The following OSBP2 variants were observed in gnomAD, a reference collection of about 807,000 sequenced individuals.
The protein encoded by OSBP2 is oxysterol-binding protein 2.
In OSBP2, 66 loss-of-function variants were observed where a neutral mutation model predicts 96.0. The ratio of observed to expected loss-of-function variants is 0.69; its 90% CI spans 0.56 to 0.84. The LOEUF is 0.84. OSBP2 is among the 40% of genes least tolerant of loss of function. OSBP2 has a pLI of 0.00. For missense variants in OSBP2, 1,038 were observed against 1,222.7 expected (o/e 0.85, Z 2.25); for synonymous variants, 525 against 520.9 (o/e 1.01, Z -0.11).
At chr22:30,748,862 T>A (rs1025244893) in intron 2 of OSBP2, among the ~76,000 whole-genome samples, 19 of 152,192 alleles carry the variant, frequency 1.2e-4, no homozygotes, top group Admixed American at 4.6e-4. Flanking sequence ...ATGCCTGTAA[T>A]CCCAGCACTT....
At chr22:30,698,718 A>G (rs759420577) in intron 1 of OSBP2, among the ~76,000 whole-genome samples, 14 of 152,060 alleles carry the variant, frequency 9.2e-5, no homozygotes, top group Admixed American at 1.3e-4. Flanking sequence ...GATTACAGGC[A>G]TGAGCCACTG....
At chr22:30,822,389 G>A in intron 2 of OSBP2, 1 of 672,676 alleles carries the variant, frequency 1.5e-6, no homozygotes, top group Non-Finnish European at 2.1e-6. Context: ...TGGGGCGGGA[G>A]GAAGTGGTAG....
chr22:30,697,208 G>A (rs1237510775), intron 1 of OSBP2, among the ~76,000 whole-genome samples: 1 of 152,230 alleles, frequency 6.6e-6, no homozygotes, highest in Non-Finnish European at 1.5e-5. Flanking sequence ...TGGCAGAAAT[G>A]CCTGGTTTTA....
At chr22:30,825,984 G>A (rs2038395910) in intron 2 of OSBP2, among the ~76,000 whole-genome samples, 1 of 152,134 alleles carries the variant, frequency 6.6e-6, no homozygotes, top group Non-Finnish European at 1.5e-5. Context: ...CAGGTCAGGC[G>A]GTTAGGTTCT....
chr22:30,728,191 T>C (rs923358778), intron 1 of OSBP2, among the ~76,000 whole-genome samples: 5 of 151,692 alleles, frequency 3.3e-5, no homozygotes, highest in Non-Finnish European at 5.9e-5. Context: ...GGTCAGGAGA[T>C]AGAGACCATC....
chr22:30,883,306 A>G (rs2039739925), intron 3 of OSBP2, among the ~76,000 whole-genome samples: 2 of 152,316 alleles, frequency 1.3e-5, no homozygotes, highest in Admixed American at 6.5e-5. Flanking sequence ...CAGACCTGGG[A>G]TCCCATCCTG....
chr22:30,701,048 T>C (rs2089152499), intron 1 of OSBP2, among the ~76,000 whole-genome samples: 1 of 151,840 alleles, frequency 6.6e-6, no homozygotes, highest in South Asian at 2.1e-4. Context: ...TGAGCCGAGA[T>C]TGTGCTATTG....
chr22:30,834,109 G>A (rs2038585494), intron 2 of OSBP2, among the ~76,000 whole-genome samples: 3 of 151,892 alleles, frequency 2.0e-5, no homozygotes, highest in Admixed American at 1.3e-4. Flanking sequence ...GGGTGCAGTG[G>A]TGTGATCATA....
At position 30,905,989 on chromosome 22, in the gene OSBP2, G is replaced by A. The variant is rs1311829913; in HGVS notation, c.2528G>A (p.Arg843Gln). The A allele has an allele frequency of 3.1e-6, 5 of 1,600,476 alleles. No homozygotes were observed. Among genetic ancestry groups the A allele is most frequent in the Non-Finnish European group, 4.3e-6 (5 of 1,174,212 alleles). ...RWDEANTEKQ[R>Q]LEEKQRLSRR... ...GACGAGGCCAATACCGAGAAGCAGC[G>A]GCTGGAGGAGAAGCAGCGCCTGTCG... The change falls in exon 13 of 14, where the codon CGG becomes CAG. Residue 843 changes from arginine to glutamine, a missense_variant. Coordinates refer to ENST00000332585, the MANE Select transcript of OSBP2 (RefSeq NM_030758.4).
At chr22:30,884,278 G>C (rs1055513467) in intron 3 of OSBP2, among the ~76,000 whole-genome samples, 2 of 152,170 alleles carry the variant, frequency 1.3e-5, no homozygotes, top group African/African-American at 4.8e-5. Context: ...CTGTCCAATG[G>C]GGGTGACTGC....
intron 2 of OSBP2, among the ~76,000 whole-genome samples, chr22:30,792,543 G>T (rs555239538): frequency 6.6e-6 from 1 of 152,224 alleles, no homozygotes; most frequent in East Asian, 1.9e-4. Context: ...ATTAGTCATT[G>T]TGTCTATGCA....
intron 1 of OSBP2, among the ~76,000 whole-genome samples, chr22:30,702,721 C>G (rs182485705): frequency 3.0e-4 from 45 of 152,334 alleles, no homozygotes; most frequent in African/African-American, 1.1e-3. Context: ...AGAGTAGCCC[C>G]GTACTGATCC....
chr22:30,756,206 T>A (rs2090138754), intron 2 of OSBP2, among the ~76,000 whole-genome samples: 1 of 152,192 alleles, frequency 6.6e-6, no homozygotes. Context: ...GCCCTGTGGT[T>A]CATCCCTGCT....
In OSBP2 at chr22:30,774,283, G is replaced by C. The variant is rs149552681; in HGVS notation, c.853+32914G>C. On this transcript the variant is annotated intron_variant, in intron 2 of 13. Coordinates refer to ENST00000332585, the MANE Select transcript of OSBP2 (RefSeq NM_030758.4). ...CCTGACATCCACTGCGGGGACAAAT[G>C]AGTGTGTGCTGGCGAAAGCCTTGCC... Among the ~76,000 whole-genome samples the C allele has an allele frequency of 4.8e-3, 738 of 152,342 alleles. 7 individuals are homozygous for C. The highest frequency in any genetic ancestry group is 0.017 in the African/African-American group (713 of 41,586).
At chr22:30,814,682 G>A (rs2091059054) in intron 2 of OSBP2, among the ~76,000 whole-genome samples, 1 of 152,008 alleles carries the variant, frequency 6.6e-6, no homozygotes, top group Non-Finnish European at 1.5e-5. Context: ...GCCCGCCTTG[G>A]CCTCCCAAAG....
chr22:30,752,437 T>C (rs963445587), intron 2 of OSBP2, among the ~76,000 whole-genome samples: 4 of 151,642 alleles, frequency 2.6e-5, no homozygotes, highest in African/African-American at 4.8e-5. Context: ...TAGCTGGGAC[T>C]ACAGGCGCCC....
intron 3 of OSBP2, among the ~76,000 whole-genome samples, chr22:30,875,191 C>G (rs2039551272): frequency 6.6e-6 from 1 of 152,148 alleles, no homozygotes; most frequent in Non-Finnish European, 1.5e-5. Flanking sequence ...GAGGCCTCAG[C>G]CTGCCGAGGT....
At position 30,890,958 on chromosome 22, in the gene OSBP2, C is replaced by T; in HGVS notation, c.1854C>T (p.Arg618=). 1 of 1,608,614 alleles carries T rather than the reference C, an allele frequency of 6.2e-7. No homozygotes were observed. The highest frequency in any genetic ancestry group is 8.5e-7 in the Non-Finnish European group (1 of 1,179,960). Residue 618 remains arginine, a synonymous_variant, in exon 8 of 14, where the codon CGC becomes CGT. Coordinates refer to ENST00000332585, the MANE Select transcript of OSBP2 (RefSeq NM_030758.4). This position sits in a 1 kb window ranked among gnomAD's most constrained non-coding sequence, Gnocchi z 4.4. ...ELDRLDDMGL[R]SLCEQVSHHP... ...ACCGCCTCGACGACATGGGCCTGCG[C>T]TCCCTCTGTGAGCAGGTGAGGGGGC...
chr22:30,733,138 A>G (rs1367541244), intron 1 of OSBP2, among the ~76,000 whole-genome samples: 4 of 152,214 alleles, frequency 2.6e-5, no homozygotes, highest in African/African-American at 9.6e-5. Flanking sequence ...GCTCTTCCCA[A>G]GGATGGGCCA....
Sources: allele counts gnomAD v4.1 joint callset (sites outside exome capture counted in the v4.1 genomes callset), GRCh38; gene constraint gnomAD v4.1.1; non-coding constraint Gnocchi (gnomAD v3.1); transcripts MANE v1.5; gene names NCBI Gene and HGNC (gene_info 2026-07-23, HGNC 2026-07-21).